Variants in BOLL observed in about 807,000 individuals in gnomAD.
BOLL encodes protein boule-like.
In BOLL, 23 loss-of-function variants were observed where a neutral mutation model predicts 44.4. That is an observed-to-expected ratio of 0.52 (90% CI 0.37 to 0.73). The LOEUF (loss-of-function observed/expected upper bound fraction) is 0.73, where lower values mean the gene tolerates loss of function less well. BOLL is among the 30% of genes least tolerant of loss of function. The pLI, the probability that BOLL is intolerant of heterozygous loss-of-function variation, is 0.00. For missense variants in BOLL, 287 were observed against 338.3 expected, an observed-to-expected ratio of 0.85 and a Z score of 1.19; for synonymous variants, 97 against 110.8, an observed-to-expected ratio of 0.88 and a Z score of 0.78.
intron 10 of BOLL, among the ~76,000 whole-genome samples, chr2:197,734,768 T>C (rs972537743): frequency 2.0e-5 from 3 of 151,908 alleles, no homozygotes; most frequent in Non-Finnish European, 2.9e-5. Flanking sequence ...ATGAGAAAAC[T>C]TGGACACAGG....
At chr2:197,749,261 T>C (rs1314811877) in intron 9 of BOLL, among the ~76,000 whole-genome samples, 1 of 152,086 alleles carries the variant, frequency 6.6e-6, no homozygotes, top group East Asian at 1.9e-4. Flanking sequence ...CAAAGGTAGA[T>C]AAATCCACAA....
intron 9 of BOLL, among the ~76,000 whole-genome samples, chr2:197,755,301 G>A (rs1447760140): frequency 6.6e-6 from 1 of 152,224 alleles, no homozygotes; most frequent in African/African-American, 2.4e-5. Context: ...TGGTGGAAAT[G>A]TAAATTAGTT....
rs1689001996 is a variant in BOLL, at chr2:197,766,455, G to C, written c.552+77C>G. ...TTTGTAATTAGCAAAGTAGTTGCAT[G>C]AGAAAGAAATAAATGAAAGTTAGCT... On this transcript the variant is annotated intron_variant, in intron 7 of 10. Coordinates refer to ENST00000392296, the MANE Select transcript of BOLL (RefSeq NM_033030.6). 4 of 1,218,850 alleles carry C rather than the reference G, an allele frequency of 3.3e-6. No individual in the cohort carries two copies. In the Admixed American group the frequency reaches 7.8e-5, roughly 24 times the overall value. The allele number at this position is 1,218,850 out of a possible 1,614,324, so 75.5% of individuals were successfully genotyped here. A position where few individuals can be genotyped will look rare whatever the true frequency, so the allele number is the denominator to read the frequency against.
chr2:197,771,771 T>C (rs1689274700), intron 6 of BOLL, 84 bp downstream of exon 6: 6 of 1,345,126 alleles, frequency 4.5e-6, no homozygotes, highest in Non-Finnish European at 6.0e-6. Flanking sequence ...TAATTATCTG[T>C]GGTTAAGATA....
At chr2:197,781,961 C>A in intron 1 of BOLL, 96 bp from the exon 2 acceptor site, 1 of 1,084,072 alleles carries the variant, frequency 9.2e-7, no homozygotes, top group Non-Finnish European at 1.3e-6. Flanking sequence ...AAAGAAGAGT[C>A]ATTTAGGCAA....
chr2:197,754,363 A>G (rs1688405169), intron 9 of BOLL, among the ~76,000 whole-genome samples: 1 of 152,180 alleles, frequency 6.6e-6, no homozygotes, highest in African/African-American at 2.4e-5. Context: ...CACCTTATAC[A>G]AAAATTAACT....
In BOLL at chr2:197,727,504, C is replaced by T. The variant is rs1200180086; in HGVS notation, c.*1051G>A. ...TGTACCTTTTGAACAATGAATGACA[C>T]CCCTCCCATCTATTTTCCAATTTTA... On this transcript the variant is annotated 3_prime_UTR_variant, in exon 11 of 11. Coordinates refer to ENST00000392296, the MANE Select transcript of BOLL (RefSeq NM_033030.6). The T allele has an allele frequency of 6.6e-6, 1 of 152,302 alleles. No homozygotes were observed. The highest frequency in any genetic ancestry group is 2.4e-5 in the African/African-American group (1 of 41,440). 9.4% of individuals were successfully genotyped at this position (152,302 alleles called of 1,614,324 possible).
Position 197,752,007 on chromosome 2 carries a change from A to G in BOLL, c.729+4421T>C, listed in dbSNP as rs1426636706. Reference sequence around the variant, plus strand: ...AAGGCTGGTTCAACATATGCAAATCAGTAAATGTAACCCATCACATAAACA... The same window carrying G: ...AAGGCTGGTTCAACATATGCAAATCGGTAAATGTAACCCATCACATAAACA... On this transcript the variant is annotated intron_variant, in intron 9 of 10. Transcript: ENST00000392296. Among the ~76,000 whole-genome samples the G allele has an allele frequency of 6.6e-5, 10 of 152,248 alleles. No individual in the cohort carries two copies. The East Asian group carries it at 1.7e-3, about 26-fold the overall frequency.
In BOLL at chr2:197,727,944, T is replaced by C. The variant is rs927087730; in HGVS notation, c.*611A>G. 6.6e-6 allele frequency: 1 copy of C among 152,270 alleles called. No homozygotes were observed. Among genetic ancestry groups the C allele is most frequent in the Non-Finnish European group, 1.5e-5 (1 of 68,036 alleles). 9.4% of individuals were successfully genotyped at this position (152,270 alleles called of 1,614,324 possible). A position where few individuals can be genotyped will look rare whatever the true frequency, so the allele number is the denominator to read the frequency against. ...TTTGGAAAATGTTATAAAAAAGAAG[T>C]ATAAATACTATTCAGATTCTGAAAA... On this transcript the variant is annotated 3_prime_UTR_variant, in exon 11 of 11. Transcript: ENST00000392296.
In BOLL at chr2:197,752,602, T is replaced by C. The variant is rs931825279; in HGVS notation, c.729+3826A>G. 1.9e-4 allele frequency among the ~76,000 whole-genome samples: 29 copies of C among 152,270 alleles called. 1 individual carries two copies. Among genetic ancestry groups the C allele is most frequent in the African/African-American group, 6.5e-4 (27 of 41,546 alleles). On this transcript the variant is annotated intron_variant, in intron 9 of 10. Transcript: ENST00000392296. Reference sequence around the variant, plus strand: ...CTAGGAATACAACTTACAAGGGATGTGAAGGACCTCTTCAAGGAGAACTAC... The same window carrying C: ...CTAGGAATACAACTTACAAGGGATGCGAAGGACCTCTTCAAGGAGAACTAC...
chr2:197,746,464 G>A (rs1306345861), intron 9 of BOLL, among the ~76,000 whole-genome samples: 1 of 152,168 alleles, frequency 6.6e-6, no homozygotes, highest in African/African-American at 2.4e-5. Context: ...ATACTGTTCA[G>A]CCTTAACAAA....
chr2:197,744,700 TG>T (rs1004923553), intron 9 of BOLL, among the ~76,000 whole-genome samples: 4 of 152,204 alleles, frequency 2.6e-5, no homozygotes, highest in Non-Finnish European at 4.4e-5. Context: ...TCTTACAAGG[TG>T]CTGCACACTA....
chr2:197,753,251 A>T (rs1371359312), intron 9 of BOLL, among the ~76,000 whole-genome samples: 1 of 151,550 alleles, frequency 6.6e-6, no homozygotes, highest in Non-Finnish European at 1.5e-5. Context: ...TGACTAAAAC[A>T]CTAAAAGTAA....
At chr2:197,751,914 A>C (rs553061336) in intron 9 of BOLL, among the ~76,000 whole-genome samples, 1 of 152,302 alleles carries the variant, frequency 6.6e-6, no homozygotes, top group African/African-American at 2.4e-5. Context: ...AAATACTGGC[A>C]AACCAAATCC....
intron 1 of BOLL, among the ~76,000 whole-genome samples, chr2:197,783,365 G>C (rs1375412956): frequency 6.6e-6 from 1 of 152,204 alleles, no homozygotes; most frequent in Non-Finnish European, 1.5e-5. Context: ...TCATGAAAAT[G>C]AATCTCCAGC....
At chr2:197,784,391 C>CATACATATATATATATATAT (rs1305139578) in intron 1 of BOLL, among the ~76,000 whole-genome samples, 1 of 55,000 alleles carries the variant, frequency 1.8e-5, no homozygotes, top group African/African-American at 8.5e-5. Flanking sequence ...CAGTCTAATA[C>CATACATATATATATATATAT]ATATATATAT....
chr2:197,755,071 T>G (rs1224633702), intron 9 of BOLL, among the ~76,000 whole-genome samples: 1 of 152,128 alleles, frequency 6.6e-6, no homozygotes, highest in Non-Finnish European at 1.5e-5. Context: ...AAGAACCTCG[T>G]TAAAAAGTCG....
intron 9 of BOLL, chr2:197,755,910 A>G (rs1030547418): frequency 2.0e-5 from 3 of 152,236 alleles, no homozygotes; most frequent in African/African-American, 7.2e-5. Context: ...ATAAAATAAA[A>G]AATATAAAAT....
intron 3 of BOLL, among the ~76,000 whole-genome samples, chr2:197,777,573 A>G (rs1422044479): frequency 6.6e-6 from 1 of 151,956 alleles, no homozygotes; most frequent in Non-Finnish European, 1.5e-5. Flanking sequence ...TATTATTATT[A>G]GCACATATAA....
Sources: allele counts gnomAD v4.1 joint callset (sites outside exome capture counted in the v4.1 genomes callset), GRCh38; gene constraint gnomAD v4.1.1; transcripts MANE v1.5; gene names NCBI Gene and HGNC (gene_info 2026-07-23, HGNC 2026-07-21).